The following NCAM2 variants were observed in gnomAD, a reference collection of about 807,000 sequenced individuals.
The protein encoded by NCAM2 is neural cell adhesion molecule 2, also known as N-CAM-2.
A neutral mutation model predicts 98.1 loss-of-function variants in NCAM2; 30 were observed. The observed-to-expected ratio is 0.31, with a 90% CI of 0.23 to 0.41. The LOEUF is 0.41. Among genes scored for constraint, NCAM2 ranks in the 10% least tolerant of loss-of-function variants. NCAM2 has a pLI of 1.00. For synonymous variants in NCAM2, 368 were observed against 342.4 expected (o/e 1.07, Z -0.83); for missense variants, 867 against 1,005.8 (o/e 0.86, Z 1.87).
chr21:21,122,998 A>T (rs1331706606), intron 1 of NCAM2, among the ~76,000 whole-genome samples: 2 of 152,208 alleles, frequency 1.3e-5, no homozygotes, highest in Admixed American at 6.5e-5. Flanking sequence ...CAGCAACTCA[A>T]TTTCAAGTAA....
intron 8 of NCAM2, among the ~76,000 whole-genome samples, chr21:21,355,705 T>C (rs9976410): frequency 0.09 from 13,702 of 151,570 alleles, 778 homozygotes; most frequent in East Asian, 0.29. Flanking sequence ...AACCTCTGCC[T>C]CCCGAGTTCA....
intron 1 of NCAM2, among the ~76,000 whole-genome samples, chr21:21,186,481 A>G (rs548794259): frequency 7.2e-4 from 109 of 152,294 alleles, no homozygotes; most frequent in African/African-American, 2.5e-3. Context: ...GGATAAGACC[A>G]TGCTAGCTAA....
chr21:21,247,774 A>T (rs1398530798), intron 1 of NCAM2, among the ~76,000 whole-genome samples: 2 of 152,210 alleles, frequency 1.3e-5, no homozygotes, highest in Non-Finnish European at 2.9e-5. Context: ...TGATTTTATC[A>T]TAATAGGAAT....
rs187811088 is a variant in NCAM2 at position 21,506,532 on chromosome 21, G to C, written c.2078-2319G>C. Among the ~76,000 whole-genome samples the C allele has an allele frequency of 5.3e-5, 8 of 151,966 alleles. No homozygotes were observed. In the East Asian group the frequency reaches 1.2e-3, roughly 22 times the overall value. On this transcript the variant is annotated intron_variant, in intron 15 of 17. Transcript: ENST00000400546. ...ATAGTTCTTTTTTAATTCATGCATAGAGATATACCTTTGAAAAACTGATAA... is the reference window on the plus strand; with the variant it reads ...ATAGTTCTTTTTTAATTCATGCATACAGATATACCTTTGAAAAACTGATAA...
intron 1 of NCAM2, among the ~76,000 whole-genome samples, chr21:21,127,129 T>G (rs898681293): frequency 2.6e-5 from 4 of 152,030 alleles, no homozygotes; most frequent in African/African-American, 9.6e-5. Flanking sequence ...ACGGTTTTAT[T>G]TGTAAGTAGT....
chr21:21,364,046 G>T (rs2075722829), intron 8 of NCAM2, among the ~76,000 whole-genome samples: 1 of 151,890 alleles, frequency 6.6e-6, no homozygotes, highest in African/African-American at 2.4e-5. Context: ...ACAACAAAAA[G>T]CAAAATCAAA....
At chr21:20,999,798 T>G (rs2063986057) in intron 1 of NCAM2, among the ~76,000 whole-genome samples, 1 of 152,142 alleles carries the variant, frequency 6.6e-6, no homozygotes, top group Non-Finnish European at 1.5e-5. Flanking sequence ...AGCCCAGAAG[T>G]TGGTTTCTGC....
chr21:21,452,963 A>G (rs1398091446), intron 12 of NCAM2, among the ~76,000 whole-genome samples: 1 of 33,174 alleles, frequency 3.0e-5, no homozygotes, highest in Non-Finnish European at 5.9e-5. Context: ...TATATTATAT[A>G]TTATATATTA....
intron 1 of NCAM2, among the ~76,000 whole-genome samples, chr21:21,195,128 T>C (rs567894327): frequency 2.0e-5 from 3 of 152,218 alleles, no homozygotes; most frequent in African/African-American, 4.8e-5. Flanking sequence ...AATATAGGAA[T>C]GGAGAACAGA....
At chr21:21,157,308 G>A (rs999481601) in intron 1 of NCAM2, among the ~76,000 whole-genome samples, 28 of 152,116 alleles carry the variant, frequency 1.8e-4, no homozygotes, top group Admixed American at 1.6e-3. Flanking sequence ...CTGTGCTCTA[G>A]GCAATACCTT....
At chr21:21,356,411 G>A (rs189013438) in intron 8 of NCAM2, among the ~76,000 whole-genome samples, 409 of 152,100 alleles carry the variant, frequency 2.7e-3, no homozygotes, top group African/African-American at 9.5e-3. Context: ...TTGGAAGACA[G>A]AAAACAATGG....
intron 6 of NCAM2, among the ~76,000 whole-genome samples, chr21:21,326,547 T>C (rs2074516271): frequency 6.6e-6 from 1 of 152,210 alleles, no homozygotes; most frequent in Admixed American, 6.5e-5. Context: ...GAGACTTCTT[T>C]TCTGCAGAGA....
At position 21,296,132 on chromosome 21, in the gene NCAM2, C is replaced by A. The variant is rs575750227; in HGVS notation, c.619+3891C>A. On this transcript the variant is annotated intron_variant, in intron 5 of 17. Coordinates refer to ENST00000400546, the MANE Select transcript of NCAM2 (RefSeq NM_004540.5). ...ACTACTAAAAGGCCTAACACAGCAT[C>A]ATTTCCCTTTAGACACTTAGAGTTG... is the stretch of plus-strand genomic sequence containing the variant. Among the ~76,000 whole-genome samples the A allele has an allele frequency of 1.2e-4, 18 of 151,928 alleles. No individual in the cohort carries two copies. The South Asian group carries it at 3.7e-3, about 32-fold the overall frequency.
intron 8 of NCAM2, 56 bp from the exon 9 acceptor site, chr21:21,373,807 A>T: frequency 7.0e-7 from 1 of 1,421,756 alleles, no homozygotes; most frequent in Non-Finnish European, 9.4e-7. Context: ...ATGTTTGGTC[A>T]CCATTTTGCA....
intron 1 of NCAM2, among the ~76,000 whole-genome samples, chr21:21,097,901 C>T (rs1430568991): frequency 4.1e-5 from 1 of 24,580 alleles, no homozygotes; most frequent in Non-Finnish European, 1.9e-4. Context: ...ATAGGAACCC[C>T]AGTTCTGTCT....
At chr21:21,490,351 A>T (rs2146305657) in intron 15 of NCAM2, among the ~76,000 whole-genome samples, 1 of 152,116 alleles carries the variant, frequency 6.6e-6, no homozygotes, top group Middle Eastern at 3.4e-3. Flanking sequence ...CTTTTTAAGG[A>T]TACTTTCATC....
rs1568855457 is a variant in NCAM2 at position 21,265,039 on chromosome 21, G to GTGTCTGTATATATA, written c.56-15538_56-15537insGTCTGTATATATAT. Among the ~76,000 whole-genome samples the GTGTCTGTATATATA allele has an allele frequency of 3.5e-3, 156 of 44,824 alleles. 2 individuals are homozygous for GTGTCTGTATATATA. The highest frequency in any genetic ancestry group is 0.01 in the African/African-American group (151 of 14,608). The allele number at this position is 44,824 out of a possible 152,430, so 29.4% of individuals were successfully genotyped here. A position where few individuals can be genotyped will look rare whatever the true frequency, so the allele number is the denominator to read the frequency against. On this transcript the variant is annotated intron_variant, in intron 1 of 17. Coordinates refer to ENST00000400546, the MANE Select transcript of NCAM2 (RefSeq NM_004540.5). Reference sequence around the variant, plus strand: ...ATTATATATGTGTCTGTGTATATATGTACACATATATACTATATATGTGTA... The same window carrying GTGTCTGTATATATA: ...ATTATATATGTGTCTGTGTATATATGTGTCTGTATATATATACACATATATACTATATATGTGTA...
intron 1 of NCAM2, among the ~76,000 whole-genome samples, chr21:21,165,665 T>C (rs2067928167): frequency 6.6e-6 from 1 of 152,196 alleles, no homozygotes; most frequent in Non-Finnish European, 1.5e-5. Context: ...TGGCATACAC[T>C]CTCTTACAAT....
intron 12 of NCAM2, among the ~76,000 whole-genome samples, chr21:21,441,869 G>C (rs766590079): frequency 6.6e-6 from 1 of 152,118 alleles, no homozygotes; most frequent in African/African-American, 2.4e-5. Context: ...GGCGTAAGGA[G>C]ATGAAATCAG....
Sources: gnomAD v4.1 joint callset for allele counts (sites outside exome capture counted in the v4.1 genomes callset) on GRCh38, gnomAD v4.1.1 for gene constraint, MANE v1.5 for transcripts, NCBI Gene and HGNC (gene_info 2026-07-23, HGNC 2026-07-21) for gene names.